HSD17B12: variants seen among roughly 807,000 people sequenced by gnomAD.
HSD17B12 encodes the protein very-long-chain 3-oxoacyl-CoA reductase.
In HSD17B12, 32 loss-of-function variants were observed where a neutral mutation model predicts 39.3. The ratio of observed to expected loss-of-function variants is 0.81; its 90% CI spans 0.61 to 1.09. The LOEUF (loss-of-function observed/expected upper bound fraction) is 1.09, where lower values mean the gene tolerates loss of function less well. Among genes scored for constraint, HSD17B12 ranks in the 50% least tolerant of loss-of-function variants. HSD17B12 has a pLI of 0.00. For missense variants in HSD17B12, 342 were observed against 382.9 expected, an observed-to-expected ratio of 0.89 and a Z score of 0.89; for synonymous variants, 150 against 146.7, an observed-to-expected ratio of 1.02 and a Z score of -0.16.
chr11:43,664,310 T>C, the HSD17B12 span, among the ~76,000 whole-genome samples: 2 of 152,128 alleles, frequency 1.3e-5, no homozygotes, highest in East Asian at 3.8e-4. Context: ...GCAGTTTGAG[T>C]AAGGGAGAGA....
chr11:43,572,758 T>A, the HSD17B12 span, among the ~76,000 whole-genome samples: 1 of 152,218 alleles, frequency 6.6e-6, no homozygotes, highest in Non-Finnish European at 1.5e-5. Flanking sequence ...TGGCATATAG[T>A]TGAAGCTGAA....
chr11:43,600,491 A>C, the HSD17B12 span, among the ~76,000 whole-genome samples: 1 of 152,158 alleles, frequency 6.6e-6, no homozygotes, highest in African/African-American at 2.4e-5. Context: ...GCATGTGGAA[A>C]AGGCTGTCAG....
chr11:43,789,350 TC>T (rs1247430484), intron 3 of HSD17B12, among the ~76,000 whole-genome samples: 1 of 152,242 alleles, frequency 6.6e-6, no homozygotes, highest in African/African-American at 2.4e-5. Flanking sequence ...TTGAATTTAT[TC>T]AATCAAAACA....
At chr11:43,731,531 T>C (rs1281929741) in intron 1 of HSD17B12, among the ~76,000 whole-genome samples, 1 of 152,208 alleles carries the variant, frequency 6.6e-6, no homozygotes, top group Non-Finnish European at 1.5e-5. Context: ...TGTGTTTGCA[T>C]ACTGTTTATA....
the HSD17B12 span, among the ~76,000 whole-genome samples, chr11:43,659,014 G>T: frequency 6.6e-6 from 1 of 152,222 alleles, no homozygotes; most frequent in Non-Finnish European, 1.5e-5. Context: ...AGTCAGGCAG[G>T]CCTCCTTGAG....
chr11:43,802,488 A>G (rs1469306897), intron 4 of HSD17B12, among the ~76,000 whole-genome samples: 1 of 152,200 alleles, frequency 6.6e-6, no homozygotes, highest in African/African-American at 2.4e-5. Flanking sequence ...CTTAGTAGCT[A>G]CATGTGGCCA....
intron 6 of HSD17B12, among the ~76,000 whole-genome samples, chr11:43,829,409 A>G (rs1951285193): frequency 6.6e-6 from 1 of 152,208 alleles, no homozygotes; most frequent in African/African-American, 2.4e-5. Flanking sequence ...TAATTTTGTA[A>G]GTATGGTTTT....
intron 3 of HSD17B12, among the ~76,000 whole-genome samples, chr11:43,764,990 T>C (rs940771877): frequency 9.8e-6 from 1 of 101,794 alleles, no homozygotes; most frequent in Admixed American, 9.0e-5. Context: ...TTTTCATTTT[T>C]TCTGCCTGCT....
chr11:43,680,794 C>T lies in HSD17B12; in HGVS notation c.-34C>T. On this transcript the variant is annotated 5_prime_UTR_variant, in exon 1 of 11. Coordinates refer to ENST00000278353, the MANE Select transcript of HSD17B12 (RefSeq NM_016142.3). ...CCTGGATTCATTCACTCGCTCTTTT[C>T]ATTCACGAAGGTAGTGAGGCCTAGT... 2 of 1,579,892 alleles carry T rather than the reference C, an allele frequency of 1.3e-6. No individual in the cohort carries two copies. The highest frequency in any genetic ancestry group is 1.7e-6 in the Non-Finnish European group (2 of 1,148,926).
At chr11:43,643,246 A>C in the HSD17B12 span, among the ~76,000 whole-genome samples, 1 of 152,146 alleles carries the variant, frequency 6.6e-6, no homozygotes, top group Non-Finnish European at 1.5e-5. Flanking sequence ...TACTGTATGT[A>C]CAAACAGGAT....
At chr11:43,773,588 C>T (rs1052143143) in intron 3 of HSD17B12, among the ~76,000 whole-genome samples, 7 of 152,150 alleles carry the variant, frequency 4.6e-5, no homozygotes, top group Non-Finnish European at 7.4e-5. Flanking sequence ...GCAAATTGAA[C>T]AGAAGGTAAA....
chr11:43,649,722 G>C, the HSD17B12 span, among the ~76,000 whole-genome samples: 1 of 152,192 alleles, frequency 6.6e-6, no homozygotes, highest in Non-Finnish European at 1.5e-5. Flanking sequence ...GAATCTGAGT[G>C]GATCCTTCGA....
chr11:43,680,449 A>C, upstream of HSD17B12: 1 of 261,484 alleles, frequency 3.8e-6, no homozygotes, highest in Non-Finnish European at 7.6e-6. Context: ...CCTGAGCTCA[A>C]ACCAGCCTGG....
intron 1 of HSD17B12, among the ~76,000 whole-genome samples, chr11:43,695,174 A>G (rs1319836423): frequency 6.6e-6 from 1 of 152,104 alleles, no homozygotes; most frequent in African/African-American, 2.4e-5. Context: ...GACTAGCCCT[A>G]GAAAAAACAG....
At chr11:43,643,344 G>A in the HSD17B12 span, among the ~76,000 whole-genome samples, 6 of 152,050 alleles carry the variant, frequency 3.9e-5, no homozygotes, top group Non-Finnish European at 8.8e-5. Flanking sequence ...AAAGAAATGC[G>A]TTTTTAAACT....
At chr11:43,728,319 G>T (rs1950239590) in intron 1 of HSD17B12, among the ~76,000 whole-genome samples, 1 of 152,060 alleles carries the variant, frequency 6.6e-6, no homozygotes, top group Non-Finnish European at 1.5e-5. Flanking sequence ...GCCCACCTTG[G>T]CCTCCCAAAG....
At chr11:43,601,581 A>G in the HSD17B12 span, among the ~76,000 whole-genome samples, 1 of 151,340 alleles carries the variant, frequency 6.6e-6, no homozygotes, top group South Asian at 2.1e-4. Flanking sequence ...AGTCTGTTAG[A>G]CAGCTTAGGC....
Position 43,856,288 on chromosome 11 carries a change from G to A in HSD17B12, c.*1040G>A, listed in dbSNP as rs11555765. 6.6e-6 allele frequency: 1 copy of A among 152,080 alleles called. No homozygotes were observed. The highest frequency in any genetic ancestry group is 1.5e-5 in the Non-Finnish European group (1 of 68,030). 9.4% of individuals were successfully genotyped at this position (152,080 alleles called of 1,614,324 possible). A position where few individuals can be genotyped will look rare whatever the true frequency, so the allele number is the denominator to read the frequency against. On this transcript the variant is annotated 3_prime_UTR_variant, in exon 11 of 11. Coordinates refer to ENST00000278353, the MANE Select transcript of HSD17B12 (RefSeq NM_016142.3). ...TGACTTTTATCCTGCTTCATAACTT[G>A]TATGGAGAACTCACCAAGAAAGAAT...
chr11:43,848,701 T>C (rs1460534897), intron 9 of HSD17B12, among the ~76,000 whole-genome samples: 1 of 152,216 alleles, frequency 6.6e-6, no homozygotes, highest in African/African-American at 2.4e-5. Context: ...TTGCTCAAGA[T>C]CACACAACTA....
Sources: gnomAD v4.1 joint callset for allele counts (sites outside exome capture counted in the v4.1 genomes callset) on GRCh38, gnomAD v4.1.1 for gene constraint, MANE v1.5 for transcripts, NCBI Gene and HGNC (gene_info 2026-07-23, HGNC 2026-07-21) for gene names.